Variants in LRRC4C observed in about 807,000 individuals in gnomAD.
The protein encoded by LRRC4C is leucine-rich repeat-containing protein 4C.
LRRC4C carries 5 observed loss-of-function variants against 33.6 expected under a neutral mutation model. That is an observed-to-expected ratio of 0.15 (90% CI 0.08 to 0.31). The LOEUF is 0.31. Among genes scored for constraint, LRRC4C ranks in the 10% least tolerant of loss-of-function variants. LRRC4C has a pLI of 1.00. For missense variants in LRRC4C, 560 were observed against 796.7 expected (o/e 0.70, Z 3.58); for synonymous variants, 329 against 302.0 (o/e 1.09, Z -0.93).
chr11:40,850,656 T>C (rs895192586), intron 2 of LRRC4C, among the ~76,000 whole-genome samples: 6 of 152,242 alleles, frequency 3.9e-5, no homozygotes, highest in Admixed American at 1.3e-4. Flanking sequence ...CCTGGAGCAC[T>C]GTGCTGGGAG....
intron 1 of LRRC4C, among the ~76,000 whole-genome samples, chr11:41,107,698 T>C (rs1390242876): frequency 2.0e-5 from 3 of 152,076 alleles, no homozygotes; most frequent in African/African-American, 7.2e-5. Flanking sequence ...AGCACTTTGA[T>C]AGGCCGAAGC....
chr11:40,163,180 T>C (rs561761605), intron 5 of LRRC4C, among the ~76,000 whole-genome samples: 1 of 152,324 alleles, frequency 6.6e-6, no homozygotes, highest in African/African-American at 2.4e-5. Flanking sequence ...CCATACCCTA[T>C]CCACCATACC....
At chr11:40,344,635 T>A (rs574693637) in intron 3 of LRRC4C, among the ~76,000 whole-genome samples, 1 of 152,254 alleles carries the variant, frequency 6.6e-6, no homozygotes, top group South Asian at 2.1e-4. Flanking sequence ...TTCAATACTG[T>A]ACTGGAAGGC....
At chr11:40,559,812 A>G (rs947026042) in intron 3 of LRRC4C, among the ~76,000 whole-genome samples, 1 of 152,188 alleles carries the variant, frequency 6.6e-6, no homozygotes, top group African/African-American at 2.4e-5. Flanking sequence ...GCATTTCTCT[A>G]ATGATCGGTG....
In LRRC4C at chr11:40,368,821, AAT is replaced by A. The variant is rs1367366767; in HGVS notation, c.-269-49102_-269-49101del. On this transcript the variant is annotated intron_variant, in intron 3 of 6. Transcript: ENST00000528697. ...TTGCAGACAAACAGACCAGATTTCA[AAT>A]GTGTTCTATCATGTAAAAATTGTGT... Among the ~76,000 whole-genome samples the A allele has an allele frequency of 2.6e-5, 4 of 152,220 alleles. 1 individual carries two copies. The highest frequency in any genetic ancestry group is 9.6e-5 in the African/African-American group (4 of 41,542).
intron 1 of LRRC4C, among the ~76,000 whole-genome samples, chr11:40,982,032 A>C (rs1439113936): frequency 6.6e-6 from 1 of 152,172 alleles, no homozygotes; most frequent in African/African-American, 2.4e-5. Context: ...TCTGCATTCA[A>C]TCAAATTTAA....
intron 1 of LRRC4C, among the ~76,000 whole-genome samples, chr11:41,082,654 G>C (rs10837566): frequency 0.22 from 32,873 of 152,082 alleles, 4,014 homozygotes; most frequent in East Asian, 0.33. Flanking sequence ...GGCACAGCCA[G>C]CAATTTACGC....
intron 1 of LRRC4C, among the ~76,000 whole-genome samples, chr11:41,375,765 C>T (rs1591380002): frequency 1.3e-5 from 2 of 152,100 alleles, no homozygotes. Flanking sequence ...GCCTGCTTGT[C>T]TATAGTATCT....
At chr11:40,608,909 C>G (rs193162871) in intron 3 of LRRC4C, among the ~76,000 whole-genome samples, 1 of 152,240 alleles carries the variant, frequency 6.6e-6, no homozygotes, top group Non-Finnish European at 1.5e-5. Flanking sequence ...TCAACATCAA[C>G]ACTCCGAAAT....
chr11:41,100,262 G>C (rs1941085200), intron 1 of LRRC4C, among the ~76,000 whole-genome samples: 1 of 152,080 alleles, frequency 6.6e-6, no homozygotes, highest in Admixed American at 6.6e-5. Flanking sequence ...TGGAGAGGGA[G>C]AATCAGTATC....
rs563574947 is a variant in LRRC4C at position 40,691,366 on chromosome 11, C to A, written c.-406-43088G>T. Among the ~76,000 whole-genome samples the A allele has an allele frequency of 2.5e-4, 38 of 152,078 alleles. No individual in the cohort carries two copies. In the South Asian group the frequency reaches 7.9e-3, roughly 32 times the overall value. On this transcript the variant is annotated intron_variant, in intron 2 of 6. Transcript: ENST00000528697. ...CAAGCTTTTCTCTCTCCCAAGTATC[C>A]AATTTCCTCTTCATCACAAGAACTT...
intron 1 of LRRC4C, among the ~76,000 whole-genome samples, chr11:41,189,545 T>G (rs1945853711): frequency 6.6e-6 from 1 of 151,984 alleles, no homozygotes. Context: ...GCGATCCCAC[T>G]CACACTGAAA....
rs138954225 is a variant in LRRC4C at position 40,804,338 on chromosome 11, G to A, written c.-407+129297C>T. On this transcript the variant is annotated intron_variant, in intron 2 of 6. Transcript: ENST00000528697. The stretch of plus-strand genomic sequence containing the variant: ...ATTCACTAGAATAAGAAATACATCC[G>A]TAGAATAAGAATATTTCTAGAGCCT... Among the ~76,000 whole-genome samples, 505 of 152,194 alleles carry A rather than the reference G, an allele frequency of 3.3e-3. 20 individuals are homozygous for A. Among genetic ancestry groups the A allele is most frequent in the Admixed American group, 0.029 (443 of 15,290 alleles).
chr11:41,066,021 CACA>C (rs1459709155), intron 1 of LRRC4C, among the ~76,000 whole-genome samples: 1 of 152,110 alleles, frequency 6.6e-6, no homozygotes, highest in Non-Finnish European at 1.5e-5. Flanking sequence ...TCCAAATGAT[CACA>C]ACACTTCTCC....
chr11:41,351,960 C>T (rs1434332821), intron 1 of LRRC4C, among the ~76,000 whole-genome samples: 1 of 152,108 alleles, frequency 6.6e-6, no homozygotes, highest in Non-Finnish European at 1.5e-5. Context: ...TAAAAAGCAA[C>T]TGTACAATCA....
At chr11:41,131,569 G>A (rs986873896) in intron 1 of LRRC4C, among the ~76,000 whole-genome samples, 1 of 152,058 alleles carries the variant, frequency 6.6e-6, no homozygotes, top group Non-Finnish European at 1.5e-5. Context: ...ATTGTCAGAA[G>A]CATTTGAACC....
intron 3 of LRRC4C, among the ~76,000 whole-genome samples, chr11:40,474,081 C>A (rs1953081099): frequency 8.3e-6 from 1 of 119,816 alleles, no homozygotes; most frequent in African/African-American, 3.0e-5. Context: ...TGACTTTCTT[C>A]ACAGAATTAG....
chr11:40,200,786 A>AAAGAG (rs1390801256), intron 5 of LRRC4C, among the ~76,000 whole-genome samples: 7 of 142,066 alleles, frequency 4.9e-5, no homozygotes, highest in Non-Finnish European at 9.3e-5. Context: ...AAAAAAAAAA[A>AAAGAG]AAGAAAAGAA....
intron 3 of LRRC4C, among the ~76,000 whole-genome samples, chr11:40,639,598 T>C (rs1034292627): frequency 3.9e-5 from 6 of 152,250 alleles, no homozygotes; most frequent in African/African-American, 1.2e-4. Context: ...TAGGAGTCAC[T>C]CTCTGTAATA....
Sources: allele counts gnomAD v4.1 joint callset (sites outside exome capture counted in the v4.1 genomes callset), GRCh38; gene constraint gnomAD v4.1.1; transcripts MANE v1.5; gene names NCBI Gene and HGNC (gene_info 2026-07-23, HGNC 2026-07-21).